Variants in RASSF5 observed in about 807,000 individuals in gnomAD.
RASSF5 encodes Ras association domain family member 5, also known as ras association domain-containing protein 5.
In RASSF5, 25 loss-of-function variants were observed where a neutral mutation model predicts 40.5. The ratio of observed to expected loss-of-function variants is 0.62; its 90% CI spans 0.45 to 0.86. RASSF5 has a LOEUF of 0.86. Ranked by LOEUF, RASSF5 falls within the 40% of genes least tolerant of loss-of-function variation. The pLI is 0.00. For missense variants in RASSF5, 521 were observed against 572.8 expected, an observed-to-expected ratio of 0.91 and a Z score of 0.92; for synonymous variants, 246 against 252.4, an observed-to-expected ratio of 0.97 and a Z score of 0.24.
chr1:206,507,559 G>A lies in RASSF5; in HGVS notation c.-44G>A. The A allele has an allele frequency of 7.0e-7, 1 of 1,423,448 alleles. No individual in the cohort carries two copies. Among genetic ancestry groups the A allele is most frequent in the Non-Finnish European group, 9.2e-7 (1 of 1,087,454 alleles). The allele number at this position is 1,423,448 out of a possible 1,614,324, so 88.2% of individuals were successfully genotyped here. On this transcript the variant is annotated 5_prime_UTR_variant, in exon 1 of 6. Coordinates refer to ENST00000579436, the MANE Select transcript of RASSF5 (RefSeq NM_182663.4). ...TCGGGGCTGGCTCGGGAGTAGCGCA[G>A]TCGCCAAAGCCGCCGCTGCCAAAGC...
In RASSF5 at chr1:206,507,960, G is replaced by A; in HGVS notation, c.358G>A (p.Gly120Ser). Reference sequence around the variant, plus strand: ...GGATCCCAGAGTCCCGGCGGAGCGAGGCGAGGGGCACTGCTTCGCCGAGTT... The same window carrying A: ...GGATCCCAGAGTCCCGGCGGAGCGAAGCGAGGGGCACTGCTTCGCCGAGTT... ...PQDPRVPAERGEGHCFAELVL... is the reference protein window; with the variant it reads ...PQDPRVPAERSEGHCFAELVL... Residue 120 changes from glycine to serine, a missense_variant, in exon 1 of 6, where the codon GGC (glycine) becomes AGC (serine). Transcript: ENST00000579436. 1.3e-6 allele frequency: 2 copies of A among 1,534,636 alleles called. No individual in the cohort carries two copies. The highest frequency in any genetic ancestry group is 2.6e-5 in the East Asian group (1 of 38,692).
intron 1 of RASSF5, among the ~76,000 whole-genome samples, chr1:206,514,298 G>A (rs1370490072): frequency 2.6e-5 from 4 of 152,224 alleles, no homozygotes; most frequent in Admixed American, 6.5e-5. Context: ...GCAGGTTCTA[G>A]ATTTTCTTTC....
chr1:206,559,315 T>C (rs1668076841), intron 2 of RASSF5, among the ~76,000 whole-genome samples: 1 of 152,226 alleles, frequency 6.6e-6, no homozygotes, highest in Admixed American at 6.5e-5. Context: ...AGGGTGAGAT[T>C]TTTGCATAAT....
intron 1 of RASSF5, among the ~76,000 whole-genome samples, chr1:206,525,913 G>T (rs1219855510): frequency 6.6e-6 from 1 of 152,202 alleles, no homozygotes; most frequent in East Asian, 1.9e-4. Context: ...GTAAAGACCA[G>T]GATCTTGGGG....
intron 2 of RASSF5, among the ~76,000 whole-genome samples, chr1:206,574,160 G>C (rs1243387585): frequency 6.6e-6 from 1 of 152,256 alleles, no homozygotes; most frequent in African/African-American, 2.4e-5. Context: ...TGCAGAGACT[G>C]AGATGGTCAC....
intron 2 of RASSF5, among the ~76,000 whole-genome samples, chr1:206,569,469 A>G (rs1668381144): frequency 6.6e-6 from 1 of 152,218 alleles, no homozygotes; most frequent in Non-Finnish European, 1.5e-5. Flanking sequence ...GTCAGACTCC[A>G]TTAATCTCTC....
intron 1 of RASSF5, among the ~76,000 whole-genome samples, chr1:206,526,076 T>C (rs1251954391): frequency 6.6e-6 from 1 of 152,156 alleles, no homozygotes; most frequent in Non-Finnish European, 1.5e-5. Context: ...GAACTCAGCA[T>C]CTGAACCAAA....
chr1:206,569,779 C>T (rs559017516), intron 2 of RASSF5, among the ~76,000 whole-genome samples: 5 of 152,164 alleles, frequency 3.3e-5, no homozygotes, highest in African/African-American at 4.8e-5. Flanking sequence ...CAGGCATGCC[C>T]GCTACGACTG....
At chr1:206,573,825 T>C (rs1435873489) in intron 2 of RASSF5, among the ~76,000 whole-genome samples, 1 of 152,112 alleles carries the variant, frequency 6.6e-6, no homozygotes, top group Non-Finnish European at 1.5e-5. Flanking sequence ...CTGGGCAATA[T>C]AGTGAGAGCC....
At chr1:206,543,507 C>T (rs967591192) in intron 2 of RASSF5, 12 of 152,216 alleles carry the variant, frequency 7.9e-5, no homozygotes, top group East Asian at 1.9e-4. Context: ...GGTCCCTCCA[C>T]GGTACACATA....
chr1:206,568,174 C>T (rs1473091285), intron 2 of RASSF5, among the ~76,000 whole-genome samples: 7 of 152,152 alleles, frequency 4.6e-5, no homozygotes, highest in Non-Finnish European at 1.0e-4. Flanking sequence ...AATGTCCCTG[C>T]CCCTGGGCCT....
intron 2 of RASSF5, among the ~76,000 whole-genome samples, chr1:206,568,073 C>T (rs1241763510): frequency 6.6e-6 from 1 of 152,084 alleles, no homozygotes; most frequent in Non-Finnish European, 1.5e-5. Context: ...ACAAAGGATG[C>T]CCACAAATGC....
chr1:206,526,269 A>AGTGTGTGTGTATGTGTGT (rs1667093776), intron 1 of RASSF5, among the ~76,000 whole-genome samples: 2 of 143,034 alleles, frequency 1.4e-5, no homozygotes, highest in Admixed American at 1.4e-4. Flanking sequence ...GCTTTCTGGC[A>AGTGTGTGTGTATGTGTGT]GTGTGTGTGT....
chr1:206,532,894 A>G (rs1667278315), intron 1 of RASSF5, among the ~76,000 whole-genome samples: 1 of 152,208 alleles, frequency 6.6e-6, no homozygotes, highest in South Asian at 2.1e-4. Flanking sequence ...ATAAGTTCTT[A>G]TCAACATACC....
chr1:206,543,565 A>ATGTGTGTGTGTGTGTG (rs59506240), intron 2 of RASSF5: 1 of 149,720 alleles, frequency 6.7e-6, no homozygotes, highest in Non-Finnish European at 1.5e-5. Context: ...GTGTGTGTGT[A>ATGTGTGTGTGTGTGTG]TGTGTGTGTG....
rs530706548 is a variant in RASSF5 at position 206,514,973 on chromosome 1, G to T, written c.457+6914G>T. Among the ~76,000 whole-genome samples the T allele has an allele frequency of 9.2e-5, 14 of 152,342 alleles. No individual in the cohort carries two copies. The East Asian group carries it at 2.3e-3, about 25-fold the overall frequency. On this transcript the variant is annotated intron_variant, in intron 1 of 5. Coordinates refer to ENST00000579436, the MANE Select transcript of RASSF5 (RefSeq NM_182663.4). ...ATTCTGTTTCGTCGGTAGAACTGAT[G>T]TAATCAGGGCCATCTCATAGATGAG...
intron 2 of RASSF5, among the ~76,000 whole-genome samples, chr1:206,566,677 A>C (rs1930433): frequency 0.59 from 89,392 of 152,090 alleles, 26,665 homozygotes; most frequent in Middle Eastern, 0.68. Context: ...GATGCTCACA[A>C]TTGGCTGGGA....
chr1:206,509,758 G>A (rs944771), intron 1 of RASSF5, among the ~76,000 whole-genome samples: 5,815 of 151,474 alleles, frequency 0.038, 372 homozygotes, highest in African/African-American at 0.13. Flanking sequence ...ATAATGGTGC[G>A]TTTGTGTGTA....
At chr1:206,582,494 A>G (rs925568259) in intron 2 of RASSF5, among the ~76,000 whole-genome samples, 5 of 152,188 alleles carry the variant, frequency 3.3e-5, no homozygotes, top group Admixed American at 6.5e-5. Flanking sequence ...TATCTTACAG[A>G]CTTCTGGTTT....
Sources: allele counts gnomAD v4.1 joint callset (sites outside exome capture counted in the v4.1 genomes callset), GRCh38; gene constraint gnomAD v4.1.1; transcripts MANE v1.5; gene names NCBI Gene and HGNC (gene_info 2026-07-23, HGNC 2026-07-21).